Variants in INSYN2B observed in about 807,000 individuals in gnomAD.
INSYN2B encodes the protein protein INSYN2B.
A neutral mutation model predicts 41.2 loss-of-function variants in INSYN2B; 16 were observed. That is an observed-to-expected ratio of 0.39 (90% CI 0.26 to 0.59). INSYN2B has a LOEUF of 0.59. INSYN2B is among the 20% of genes least tolerant of loss of function. The pLI is 0.57. For synonymous variants in INSYN2B, 245 were observed against 244.4 expected (o/e 1.00, Z -0.02); for missense variants, 608 against 646.4 (o/e 0.94, Z 0.64).
chr5:169,873,733 G>T (rs567915733), intron 3 of INSYN2B, among the ~76,000 whole-genome samples: 4 of 152,322 alleles, frequency 2.6e-5, no homozygotes, highest in Admixed American at 2.6e-4. Flanking sequence ...TCTCTGGTTA[G>T]GTAATAGCTT....
intron 1 of INSYN2B, among the ~76,000 whole-genome samples, chr5:169,926,955 A>G (rs1775488826): frequency 6.6e-6 from 1 of 152,244 alleles, no homozygotes; most frequent in Non-Finnish European, 1.5e-5. Context: ...TGGGGCAGAA[A>G]TGAGGCTGGC....
At chr5:169,893,828 G>A (rs1203732260) in intron 1 of INSYN2B, among the ~76,000 whole-genome samples, 1 of 152,154 alleles carries the variant, frequency 6.6e-6, no homozygotes, top group African/African-American at 2.4e-5. Flanking sequence ...TTTTCCACAT[G>A]GGAGAGGGAT....
rs1771199194 is a variant in INSYN2B at position 169,861,566 on chromosome 5, A to G, written c.*2707T>C. Among the ~76,000 whole-genome samples, 1 of 152,212 alleles carries G rather than the reference A, an allele frequency of 6.6e-6. No individual in the cohort carries two copies. The highest frequency in any genetic ancestry group is 2.4e-5 in the African/African-American group (1 of 41,442). On this transcript the variant is annotated 3_prime_UTR_variant, in exon 4 of 4. Coordinates refer to ENST00000377365, the MANE Select transcript of INSYN2B (RefSeq NM_001129891.3). ...TATAAAAGTAATTTTTGCTAAGTTA[A>G]TATCTCTCCAGCAAACCAGATAACC...
chr5:169,867,407 CTCTGTCTGTCTG>C (rs56110833), intron 3 of INSYN2B, among the ~76,000 whole-genome samples: 10 of 149,194 alleles, frequency 6.7e-5, no homozygotes, highest in South Asian at 2.2e-4. Context: ...GTGAAAACCT[CTCTGTCTGTCTG>C]TCTGTCTGTC....
rs569699763 is a variant in INSYN2B at position 169,931,589 on chromosome 5, C to T, written c.-918-46773G>A. Reference sequence around the variant, plus strand: ...TTTAATTTCATTTCAGTTACTTATTCGCTGTTTGACTTTGGCAAACTGACA... The same window carrying T: ...TTTAATTTCATTTCAGTTACTTATTTGCTGTTTGACTTTGGCAAACTGACA... On this transcript the variant is annotated intron_variant, in intron 1 of 3. Coordinates refer to ENST00000377365, the MANE Select transcript of INSYN2B (RefSeq NM_001129891.3). 2.5e-4 allele frequency among the ~76,000 whole-genome samples: 38 copies of T among 152,320 alleles called. 1 individual carries two copies. In the South Asian group the frequency reaches 3.7e-3, roughly 15 times the overall value.
intron 1 of INSYN2B, among the ~76,000 whole-genome samples, chr5:169,941,627 TTAAAC>T (rs1776251366): frequency 6.6e-6 from 1 of 152,144 alleles, no homozygotes; most frequent in South Asian, 2.1e-4. Context: ...CTGGACTTGA[TTAAAC>T]TAAGAGCTGT....
chr5:169,947,578 C>A (rs1260664918), intron 1 of INSYN2B, among the ~76,000 whole-genome samples: 2 of 152,246 alleles, frequency 1.3e-5, no homozygotes, highest in East Asian at 3.8e-4. Flanking sequence ...GCCTTTCTGA[C>A]CCTCCACATT....
Position 169,970,995 on chromosome 5 carries a change from CG to C in INSYN2B, c.-919+9281del, listed in dbSNP as rs754709616. ...TCCAAGACAGGGGAGGGTGGGGCAG[CG>C]GGGGGAGGACCTGCGTTCATGCCAA... On this transcript the variant is annotated intron_variant, in intron 1 of 3. Coordinates refer to ENST00000377365, the MANE Select transcript of INSYN2B (RefSeq NM_001129891.3). Among the ~76,000 whole-genome samples, 15 of 151,634 alleles carry C rather than the reference CG, an allele frequency of 9.9e-5. No individual in the cohort carries two copies. The South Asian group carries it at 3.1e-3, about 32-fold the overall frequency.
intron 1 of INSYN2B, among the ~76,000 whole-genome samples, chr5:169,891,959 G>A (rs1471010783): frequency 9.7e-5 from 14 of 143,896 alleles, no homozygotes; most frequent in Non-Finnish European, 1.9e-4. Flanking sequence ...TTGTGCCATT[G>A]CACTCCAGCC....
chr5:169,882,925 C>T lies in INSYN2B; in HGVS notation c.974G>A (p.Arg325Lys). The T allele has an allele frequency of 1.3e-6, 2 of 1,551,978 alleles. No individual in the cohort carries two copies. The highest frequency in any genetic ancestry group is 1.2e-5 in the South Asian group (1 of 84,040). The change falls in exon 2 of 4, where the codon AGA becomes AAA. Residue 325 changes from arginine to lysine, a missense_variant. Transcript: ENST00000377365. ...ACTTGATGAAGGACAGTCTGAGGCT[C>T]TTCCTGGGTGGGCTGGCTGGCTGTG... Reference protein sequence around the residue: ...GSHSQPAHPGRASDCPSSSNN... With the variant: ...GSHSQPAHPGKASDCPSSSNN...
chr5:169,968,307 C>T (rs755990508), intron 1 of INSYN2B, among the ~76,000 whole-genome samples: 61 of 152,098 alleles, frequency 4.0e-4, no homozygotes, highest in African/African-American at 5.8e-4. Context: ...TCACAGCAAA[C>T]GAGGCAGTCC....
At chr5:169,975,594 A>G (rs548907685) in intron 1 of INSYN2B, among the ~76,000 whole-genome samples, 30 of 152,160 alleles carry the variant, frequency 2.0e-4, no homozygotes, top group Non-Finnish European at 4.1e-4. Flanking sequence ...AGATTTTTGC[A>G]TGACCCATTT....
At chr5:169,978,392 T>G (rs56333024) in intron 1 of INSYN2B, among the ~76,000 whole-genome samples, 2,298 of 22,576 alleles carry the variant, frequency 0.1, 364 homozygotes, top group Non-Finnish European at 0.18. Flanking sequence ...TGTGTGTGTG[T>G]GGGGGGGGGG....
At chr5:169,879,303 C>T (rs1284391139) in intron 3 of INSYN2B, among the ~76,000 whole-genome samples, 1 of 152,068 alleles carries the variant, frequency 6.6e-6, no homozygotes, top group African/African-American at 2.4e-5. Context: ...ATCACTTATT[C>T]ATTCGTTTCT....
At chr5:169,890,529 C>CA (rs888358996) in intron 1 of INSYN2B, among the ~76,000 whole-genome samples, 3 of 152,214 alleles carry the variant, frequency 2.0e-5, no homozygotes, top group African/African-American at 7.2e-5. Context: ...TTATATATTC[C>CA]AAAAATATAC....
At chr5:169,927,095 G>A (rs1775499246) in intron 1 of INSYN2B, among the ~76,000 whole-genome samples, 1 of 152,198 alleles carries the variant, frequency 6.6e-6, no homozygotes, top group South Asian at 2.1e-4. Flanking sequence ...CATGAAGAGT[G>A]GGAAGAGCAA....
chr5:169,875,752 C>T (rs1465592428), intron 3 of INSYN2B: 1 of 153,822 alleles, frequency 6.5e-6, no homozygotes, highest in East Asian at 1.9e-4. Flanking sequence ...ATAATGGATC[C>T]TCGGTAAGTG....
At chr5:169,899,737 G>C (rs375461601) in intron 1 of INSYN2B, among the ~76,000 whole-genome samples, 1 of 152,122 alleles carries the variant, frequency 6.6e-6, no homozygotes, top group Non-Finnish European at 1.5e-5. Flanking sequence ...TCCATTCCTT[G>C]TTGGCATACA....
At chr5:169,912,117 C>A (rs1228712192) in intron 1 of INSYN2B, among the ~76,000 whole-genome samples, 3 of 152,218 alleles carry the variant, frequency 2.0e-5, no homozygotes, top group African/African-American at 4.8e-5. Flanking sequence ...CTTGGTGATA[C>A]AAGGGACCCT....
Sources: allele counts gnomAD v4.1 joint callset (sites outside exome capture counted in the v4.1 genomes callset), GRCh38; gene constraint gnomAD v4.1.1; transcripts MANE v1.5; gene names NCBI Gene and HGNC (gene_info 2026-07-23, HGNC 2026-07-21).